Variants in WNK3 observed in about 807,000 individuals in gnomAD.
The protein encoded by WNK3 is WNK lysine deficient protein kinase 3, also known as serine/threonine-protein kinase WNK3.
WNK3 carries 18 observed loss-of-function variants against 116.7 expected under a neutral mutation model. The observed-to-expected ratio is 0.15, with a 90% CI of 0.11 to 0.23. WNK3 has a LOEUF of 0.23. WNK3 is among the 10% of genes least tolerant of loss of function. WNK3 has a pLI of 1.00. For synonymous variants in WNK3, 404 were observed against 469.4 expected (o/e 0.86, Z 1.80); for missense variants, 993 against 1,323.8 (o/e 0.75, Z 3.88).
At chrX:54,265,269 T>C (rs1433704056) in intron 10 of WNK3, among the ~76,000 whole-genome samples, 2 of 110,508 alleles carry the variant, frequency 1.8e-5, no homozygotes, top group Non-Finnish European at 3.8e-5. Context: ...GGCGAATCAT[T>C]TGAGGTGAGG....
intron 3 of WNK3, among the ~76,000 whole-genome samples, chrX:54,310,808 C>T (rs374708903): frequency 9.1e-6 from 1 of 110,188 alleles, no homozygotes; most frequent in East Asian, 2.9e-4. Context: ...TGGCTCACTG[C>T]AACCTCCATC....
At chrX:54,296,232 TCA>T (rs1244756778) in intron 7 of WNK3, among the ~76,000 whole-genome samples, 5 of 111,671 alleles carry the variant, frequency 4.5e-5, no homozygotes, top group African/African-American at 1.6e-4. Context: ...CATATCATTC[TCA>T]GTCCTGCAAT....
intron 22 of WNK3, among the ~76,000 whole-genome samples, chrX:54,213,565 C>CAACAAAAAAAA (rs2067645993): frequency 3.9e-5 from 1 of 25,365 alleles, no homozygotes; most frequent in East Asian, 8.5e-4. Context: ...AAAAAAAAAA[C>CAACAAAAAAAA]AAACAAAAAA....
exon 24 of WNK3, chrX:54,198,637 A>G (rs1557140935): frequency 2.2e-5 from 26 of 1,189,079 alleles, no homozygotes; most frequent in Non-Finnish European, 2.9e-5. Context: ...TGTGTAGCCC[A>G]TAGTAGACGG....
At chrX:54,255,656 A>G (rs1162394433) in intron 12 of WNK3, 84 bp downstream of exon 12, 26 of 914,159 alleles carry the variant, frequency 2.8e-5, no homozygotes, top group Non-Finnish European at 3.8e-5. Flanking sequence ...GCAATATTCT[A>G]CAACTCACTT....
intron 2 of WNK3, 140 bp from the exon 3 acceptor site, chrX:54,311,431 A>G: frequency 2.1e-6 from 1 of 473,426 alleles, no homozygotes; most frequent in Non-Finnish European, 3.5e-6. Context: ...GCTTTTCTCA[A>G]GACTTGTATC....
intron 2 of WNK3, among the ~76,000 whole-genome samples, chrX:54,331,381 C>CATAT (rs151229462): frequency 0.011 from 1,114 of 102,947 alleles, 12 homozygotes; most frequent in African/African-American, 0.037. Context: ...TGTGTGTGTG[C>CATAT]ATATATATAT....
chrX:54,238,283 C>T (rs2067985096), intron 19 of WNK3, 59 bp downstream of exon 19: 1 of 1,148,337 alleles, frequency 8.7e-7, no homozygotes, highest in African/African-American at 1.8e-5. Context: ...CCAAGATCTC[C>T]ACTGGCTGTT....
chrX:54,268,593 A>C (rs1301281980), intron 10 of WNK3, among the ~76,000 whole-genome samples: 2 of 111,550 alleles, frequency 1.8e-5, no homozygotes, highest in African/African-American at 6.5e-5. Context: ...GAAAAGACAA[A>C]ATGAGCCTGG....
At chrX:54,358,441 G>C (rs1343202547), upstream of WNK3, 2 of 111,571 alleles carry the variant, frequency 1.8e-5, no homozygotes, top group African/African-American at 6.5e-5. Context: ...GCCTCTGAAT[G>C]CTGTAGCGCC....
At chrX:54,228,976 G>A (rs1557148392) in intron 21 of WNK3, among the ~76,000 whole-genome samples, 1 of 111,135 alleles carries the variant, frequency 9.0e-6, no homozygotes, top group African/African-American at 3.3e-5. Context: ...GAAATAAAAG[G>A]CATAAAGATT....
chrX:54,248,598 A>C (rs1557153159), intron 17 of WNK3, 99 bp downstream of exon 17: 9 of 741,734 alleles, frequency 1.2e-5, no homozygotes, highest in African/African-American at 4.3e-5. Context: ...CTTGTGACAT[A>C]GACCATTTCA....
intron 22 of WNK3, among the ~76,000 whole-genome samples, chrX:54,206,757 C>T (rs1325985345): frequency 8.0e-5 from 9 of 112,254 alleles, no homozygotes; most frequent in Admixed American, 9.5e-5. Context: ...AGGCTGGGCA[C>T]GGTGGCTCAT....
At chrX:54,238,501 A>T (rs1313545736) in intron 18 of WNK3, 29 bp from the exon 19 acceptor site, 6 of 1,185,400 alleles carry the variant, frequency 5.1e-6, no homozygotes, top group Non-Finnish European at 6.8e-6. Flanking sequence ...TGTAAGTAAA[A>T]AAGAGAAAAT....
chrX:54,339,204 A>G (rs2069286300), intron 1 of WNK3, among the ~76,000 whole-genome samples: 1 of 110,953 alleles, frequency 9.0e-6, no homozygotes, highest in Non-Finnish European at 1.9e-5. Flanking sequence ...ATAAAAACTG[A>G]CAAAACTGGA....
intron 10 of WNK3, among the ~76,000 whole-genome samples, chrX:54,278,199 A>G: frequency 9.0e-6 from 1 of 111,311 alleles, no homozygotes; most frequent in East Asian, 2.8e-4. Flanking sequence ...TATGCTGAAA[A>G]TTACAAAATG....
At chrX:54,273,436 T>C (rs2068406646) in intron 10 of WNK3, among the ~76,000 whole-genome samples, 2 of 111,368 alleles carry the variant, frequency 1.8e-5, no homozygotes. Context: ...CTACTAAAAA[T>C]ACAAAAATTA....
chrX:54,206,960 C>T (rs1359805126), intron 22 of WNK3, among the ~76,000 whole-genome samples: 1 of 110,797 alleles, frequency 9.0e-6, no homozygotes, highest in Non-Finnish European at 1.9e-5. Flanking sequence ...ACCTGGGAGG[C>T]GGAGATTGCA....
chrX:54,299,473 G>A (rs1425560424), intron 6 of WNK3, among the ~76,000 whole-genome samples: 3 of 94,237 alleles, frequency 3.2e-5, no homozygotes, highest in African/African-American at 1.4e-4. Context: ...TTTTTGGGAC[G>A]GAGTGCAGTC....
Sources: allele counts gnomAD v4.1 joint callset (sites outside exome capture counted in the v4.1 genomes callset), GRCh38; gene constraint gnomAD v4.1.1; transcripts MANE v1.5; gene names NCBI Gene and HGNC (gene_info 2026-07-23, HGNC 2026-07-21).